THADA: variants seen among roughly 807,000 people sequenced by gnomAD.
The protein encoded by THADA is tRNA (32-2'-O)-methyltransferase regulator THADA.
Under a neutral mutation model 219.8 loss-of-function variants are expected in THADA, and 213 were observed. That is an observed-to-expected ratio of 0.97 (90% confidence interval 0.87 to 1.09). THADA has a LOEUF of 1.09. Ranked by LOEUF, THADA falls within the 50% of genes least tolerant of loss-of-function variation. THADA has a pLI of 0.00. For missense variants in THADA, 2,956 were observed against 2,311.3 expected, an observed-to-expected ratio of 1.28 and a Z score of -5.72; for synonymous variants, 1,018 against 828.9, an observed-to-expected ratio of 1.23 and a Z score of -3.92.
rs778270347 is a variant in THADA at position 43,541,297 on chromosome 2, A to G, written c.3126T>C (p.Cys1042=). Reference sequence around the variant, plus strand: ...CCAGCACCATCTGCGCAGTTACATCACATGTTTTTACTTCTTTACCTTAAA... The same window carrying G: ...CCAGCACCATCTGCGCAGTTACATCGCATGTTTTTACTTCTTTACCTTAAA... ...TEIKGKEVKT[C]DVTAQMVLVC... Residue 1042 remains cysteine (C), a synonymous_variant, in exon 21 of 38, where the codon TGT becomes TGC. Transcript: ENST00000405975. 1.2e-6 allele frequency: 2 copies of G among 1,613,042 alleles called. No homozygotes were observed. Among genetic ancestry groups the G allele is most frequent in the Admixed American group, 3.3e-5 (2 of 59,944 alleles).
intron 26 of THADA, among the ~76,000 whole-genome samples, chr2:43,467,274 A>C (rs917844131): frequency 2.6e-5 from 4 of 152,178 alleles, no homozygotes; most frequent in Non-Finnish European, 4.4e-5. Context: ...TTAACAAGAA[A>C]AAAAACCTTT....
At chr2:43,400,371 T>A (rs1025026264) in intron 28 of THADA, among the ~76,000 whole-genome samples, 1 of 151,064 alleles carries the variant, frequency 6.6e-6, no homozygotes, top group Admixed American at 6.6e-5. Flanking sequence ...TGAAGTAATA[T>A]TTAATTAAGT....
intron 16 of THADA, among the ~76,000 whole-genome samples, chr2:43,559,300 A>C (rs1466504526): frequency 2.0e-5 from 3 of 152,218 alleles, no homozygotes; most frequent in Non-Finnish European, 4.4e-5. Flanking sequence ...AAGTCAAAAA[A>C]GATTGATGTT....
At chr2:43,559,684 G>A (rs1320526440) in intron 16 of THADA, among the ~76,000 whole-genome samples, 1 of 152,204 alleles carries the variant, frequency 6.6e-6, no homozygotes, top group Non-Finnish European at 1.5e-5. Flanking sequence ...GAAGAGCAAT[G>A]TGTCAGGAAG....
intron 25 of THADA, among the ~76,000 whole-genome samples, chr2:43,492,849 T>A (rs1021477719): frequency 6.6e-6 from 1 of 152,152 alleles, no homozygotes; most frequent in Non-Finnish European, 1.5e-5. Flanking sequence ...ACTTCACCTA[T>A]GAGCAGACAA....
chr2:43,384,548 A>C (rs1302001688), intron 29 of THADA, among the ~76,000 whole-genome samples: 2 of 152,252 alleles, frequency 1.3e-5, no homozygotes, highest in Non-Finnish European at 2.9e-5. Flanking sequence ...TTGTACGCTC[A>C]ATCATGAATT....
intron 26 of THADA, among the ~76,000 whole-genome samples, chr2:43,449,152 A>G (rs1008312386): frequency 1.3e-5 from 2 of 152,174 alleles, no homozygotes; most frequent in Non-Finnish European, 2.9e-5. Context: ...ACATAAAAAT[A>G]CCTACCACTA....
chr2:43,295,461 A>G (rs1352186612), intron 31 of THADA, among the ~76,000 whole-genome samples: 3 of 152,232 alleles, frequency 2.0e-5, no homozygotes, highest in South Asian at 2.1e-4. Context: ...AGTTTTATCT[A>G]CAAGAACTTA....
chr2:43,411,677 G>A (rs1318772527), intron 28 of THADA, among the ~76,000 whole-genome samples: 1 of 152,140 alleles, frequency 6.6e-6, no homozygotes, highest in African/African-American at 2.4e-5. Flanking sequence ...GGAGACTGCT[G>A]TGCAAAGTTA....
intron 21 of THADA, among the ~76,000 whole-genome samples, chr2:43,540,184 C>G (rs1695115496): frequency 2.0e-5 from 3 of 152,204 alleles, no homozygotes. Context: ...CCAGCAATGA[C>G]TGCAAGTAAC....
intron 26 of THADA, among the ~76,000 whole-genome samples, chr2:43,438,400 T>A (rs1441058374): frequency 6.6e-6 from 1 of 152,100 alleles, no homozygotes. Flanking sequence ...ATTGAATCTT[T>A]CAGAATACTG....
intron 15 of THADA, chr2:43,563,627 A>G (rs1007493982): frequency 3.9e-5 from 6 of 152,178 alleles, no homozygotes; most frequent in Non-Finnish European, 8.8e-5. Flanking sequence ...CACGAAATTA[A>G]TATTTGCTGA....
At chr2:43,328,728 G>A (rs993577225) in intron 30 of THADA, among the ~76,000 whole-genome samples, 4 of 152,182 alleles carry the variant, frequency 2.6e-5, no homozygotes, top group African/African-American at 7.2e-5. Context: ...AGGGTTCTGG[G>A]TAGGCATTCA....
chr2:43,327,490 T>C (rs550772281), intron 30 of THADA, among the ~76,000 whole-genome samples: 5 of 149,906 alleles, frequency 3.3e-5, no homozygotes, highest in African/African-American at 7.3e-5. Context: ...GGGGGGTGGT[T>C]AGAAGAATGG....
In THADA at chr2:43,566,679, A is replaced by G. The variant is rs1698724826; in HGVS notation, c.2311+19T>C. 1.2e-6 allele frequency: 2 copies of G among 1,608,728 alleles called. No homozygotes were observed. The highest frequency in any genetic ancestry group is 1.7e-6 in the Non-Finnish European group (2 of 1,178,142). On this transcript the variant is annotated intron_variant, in intron 15 of 37. Transcript: ENST00000405975. Reference sequence around the variant, plus strand: ...AAAGAAAACAAAAATTACTTCCCCTAACATTATTAAACACTTACCTTCTGG... The same window carrying G: ...AAAGAAAACAAAAATTACTTCCCCTGACATTATTAAACACTTACCTTCTGG...
chr2:43,586,977 A>C lies in THADA; in HGVS notation c.328T>G (p.Phe110Val), dbSNP rs1313425386. ...AAACGGTGCATAGCCTCAGGTAGAA[A>C]AAAATCAGGCAGGCTATTTAGTGAG... is the stretch of plus-strand genomic sequence containing the variant. ...ASSLNSLPDFFLPEAMHRFTS... is the reference protein window; with the variant it reads ...ASSLNSLPDFVLPEAMHRFTS... Residue 110 changes from phenylalanine to valine, a missense_variant, in exon 5 of 38, where the codon TTT becomes GTT. Phe to Val is a conservative substitution (Grantham distance 50). Coordinates refer to ENST00000405975, the MANE Select transcript of THADA (RefSeq NM_022065.5). 6.2e-7 allele frequency: 1 copy of C among 1,613,612 alleles called. No individual in the cohort carries two copies. Among genetic ancestry groups the C allele is most frequent in the African/African-American group, 1.3e-5 (1 of 75,058 alleles).
chr2:43,310,807 T>G (rs1005841955), intron 31 of THADA, among the ~76,000 whole-genome samples: 4 of 152,022 alleles, frequency 2.6e-5, no homozygotes, highest in African/African-American at 9.7e-5. Flanking sequence ...AGGGAGAAAA[T>G]ATTTGCAAAC....
At chr2:43,360,152 T>C (rs889290991) in intron 29 of THADA, among the ~76,000 whole-genome samples, 2 of 152,212 alleles carry the variant, frequency 1.3e-5, no homozygotes. Context: ...TTCCAGGTCA[T>C]GGCAATCATT....
At chr2:43,319,890 TAA>T (rs906814096) in intron 31 of THADA, among the ~76,000 whole-genome samples, 1 of 152,074 alleles carries the variant, frequency 6.6e-6, no homozygotes, top group African/African-American at 2.4e-5. Flanking sequence ...CATTTTCCCT[TAA>T]AAAAGAAAAA....
Sources: allele counts gnomAD v4.1 joint callset (sites outside exome capture counted in the v4.1 genomes callset), GRCh38; gene constraint gnomAD v4.1.1; transcripts MANE v1.5; gene names NCBI Gene and HGNC (gene_info 2026-07-23, HGNC 2026-07-21).